Variants in MYH7B observed in about 807,000 individuals in gnomAD.
MYH7B encodes myosin-7B.
Under a neutral mutation model 234.5 loss-of-function variants are expected in MYH7B, and 205 were observed. The ratio of observed to expected loss-of-function variants is 0.87; its 90% CI spans 0.78 to 0.98. MYH7B has a LOEUF of 0.98. Among genes scored for constraint, MYH7B ranks in the 50% least tolerant of loss-of-function variants. MYH7B has a pLI of 0.00. For synonymous variants in MYH7B, 1,193 were observed against 1,105.0 expected (o/e 1.08, Z -1.58); for missense variants, 2,652 against 2,633.4 (o/e 1.01, Z -0.15).
At position 35,000,767 on chromosome 20, in the gene MYH7B, G is replaced by C. The variant is rs1465089882; in HGVS notation, c.5179-1G>C. On this transcript the variant is annotated splice_acceptor_variant, in intron 39 of 44. Transcript: ENST00000262873. LOFTEE classifies it high-confidence loss of function. ...GGCTCTGAGACTCCTCTTCCCCTCA[G>C]AACACAGGCCTCCTAAACCAGAAGA... 1.2e-6 allele frequency: 2 copies of C among 1,612,160 alleles called. No homozygotes were observed. The highest frequency in any genetic ancestry group is 1.1e-5 in the South Asian group (1 of 90,816).
rs376794242 is a variant in MYH7B at position 34,998,381 on chromosome 20, G to A, written c.3834G>A (p.Ala1278=). Residue 1278 remains alanine (A), a synonymous_variant, in exon 33 of 45, where the codon GCG becomes GCA. Transcript: ENST00000262873. The stretch of plus-strand genomic sequence containing the variant: ...TGGAGGAGCTGCAGCGGCAGCTGGC[G>A]GACGCAAGCACGCAGCGTGGGCGAC... The A allele has an allele frequency of 5.9e-5, 95 of 1,613,384 alleles. No homozygotes were observed. In the African/African-American group the frequency reaches 8.7e-4, roughly 15 times the overall value.
Position 34,999,923 on chromosome 20 carries a change from C to A in MYH7B, c.4781+17C>A. On this transcript the variant is annotated intron_variant, in intron 38 of 44. Transcript: ENST00000262873. ...TAACCTGAGGTGTGTCCATCCTTCT[C>A]CCGTCCCCACCTCCCGAGAGCAGAA... The A allele has an allele frequency of 6.2e-7, 1 of 1,602,222 alleles. No individual in the cohort carries two copies. Among genetic ancestry groups the A allele is most frequent in the Non-Finnish European group, 8.5e-7 (1 of 1,171,016 alleles).
At chr20:34,999,765 C>CCCCCCCCCCCCCCCCTTTT in intron 37 of MYH7B, 26 bp from the exon 38 acceptor site, 1 of 940,068 alleles carries the variant, frequency 1.1e-6, no homozygotes, top group South Asian at 1.3e-5. Context: ...CCCCCCCACC[C>CCCCCCCCCCCCCCCCTTTT]TACCCTGCCT....
chr20:34,961,735 G>A (rs1331540472), intron 2 of MYH7B, among the ~76,000 whole-genome samples: 5 of 152,196 alleles, frequency 3.3e-5, no homozygotes, highest in African/African-American at 1.2e-4. Context: ...CCTGTAGGTG[G>A]AATCCTACAA....
At chr20:34,988,447 C>T (rs186538943) in intron 19 of MYH7B, among the ~76,000 whole-genome samples, 185 bp downstream of exon 19, 7 of 152,166 alleles carry the variant, frequency 4.6e-5, no homozygotes, top group East Asian at 1.9e-4. Context: ...TGAAAGGGCA[C>T]GTGTGTGAGT....
intron 13 of MYH7B, among the ~76,000 whole-genome samples, 191 bp from the exon 14 acceptor site, chr20:34,985,909 A>T (rs1348831889): frequency 6.6e-6 from 1 of 152,164 alleles, no homozygotes; most frequent in Admixed American, 6.5e-5. Context: ...AGACACAGAC[A>T]CACAGGTACA....
exon 27 of MYH7B, chr20:34,994,341 G>A (rs199556326): frequency 2.5e-6 from 4 of 1,607,396 alleles, no homozygotes; most frequent in Admixed American, 1.7e-5. Context: ...GCCAGGAACT[G>A]GAGGAGACGC....
intron 2 of MYH7B, among the ~76,000 whole-genome samples, chr20:34,973,491 T>G (rs1292612345): frequency 6.6e-6 from 1 of 152,074 alleles, no homozygotes; most frequent in Non-Finnish European, 1.5e-5. Context: ...AATCCTGGAG[T>G]CTCGCTCTCC....
intron 2 of MYH7B, among the ~76,000 whole-genome samples, chr20:34,974,509 C>T (rs1297932889): frequency 1.3e-5 from 2 of 152,090 alleles, no homozygotes; most frequent in East Asian, 1.9e-4. Context: ...AGGGAACCTA[C>T]GAGGAAGATC....
chr20:34,985,975 C>A (rs544896648), intron 13 of MYH7B, 125 bp from the exon 14 acceptor site: 11 of 753,188 alleles, frequency 1.5e-5, no homozygotes, highest in African/African-American at 1.2e-4. Context: ...CCCACACAAG[C>A]TGGCAGGTGC....
chr20:35,001,469 C>T, exon 43 of MYH7B: 1 of 1,609,928 alleles, frequency 6.2e-7, no homozygotes, highest in Non-Finnish European at 8.5e-7. Context: ...GCATGCAGGA[C>T]CTGGTGGACA....
At chr20:34,993,049 G>T in intron 24 of MYH7B, 53 bp from the exon 25 acceptor site, 2 of 1,576,116 alleles carry the variant, frequency 1.3e-6, no homozygotes, top group Non-Finnish European at 1.7e-6. Context: ...ATTCTCAGTG[G>T]CCTGTGCCCC....
chr20:34,987,077 C>A (rs1291821506), intron 15 of MYH7B, 72 bp from the exon 16 acceptor site: 2 of 1,609,598 alleles, frequency 1.2e-6, no homozygotes, highest in African/African-American at 2.7e-5. Flanking sequence ...ATGAATGGTC[C>A]CGGGGCAGTG....
intron 6 of MYH7B, 59 bp from the exon 7 acceptor site, chr20:34,979,602 C>A: frequency 6.2e-7 from 1 of 1,609,052 alleles, no homozygotes; most frequent in South Asian, 1.1e-5. Flanking sequence ...GTGGGGGTGA[C>A]AGGTGAGGTC....
At chr20:34,987,904 A>C in exon 18 of MYH7B, 1 of 1,599,462 alleles carries the variant, frequency 6.3e-7, no homozygotes, top group Admixed American at 1.7e-5. Flanking sequence ...GCTGGGTTTG[A>C]GATCTTTGAG....
rs1040461197 is a variant in MYH7B at position 35,001,894 on chromosome 20, A to G, written c.5677-54A>G. 3.7e-5 allele frequency: 59 copies of G among 1,578,224 alleles called. No individual in the cohort carries two copies. The African/African-American group carries it at 7.7e-4, about 20-fold the overall frequency. On this transcript the variant is annotated intron_variant, in intron 43 of 44. Coordinates refer to ENST00000262873, the Ensembl canonical transcript of MYH7B. ...CCCTTCTTGGACTGGGGCAGGGACC[A>G]GAATAAGCATCTCAGTCACCCAAGC...
rs775928980 is a variant in MYH7B at position 34,993,425 on chromosome 20, G to A, written c.2399G>A (p.Arg800His). ...CTGACGCTGCTGCAGGCGCGGAGCCGTGGCCGCCTCATGCGCCTTGAGTAC... is the reference window on the plus strand; with the variant it reads ...CTGACGCTGCTGCAGGCGCGGAGCCATGGCCGCCTCATGCGCCTTGAGTAC... Residue 800 changes from arginine (R) to histidine (H), a missense_variant, in exon 26 of 45, where the codon CGT (arginine) becomes CAT (histidine). Around this residue, in one of 3 missense-constraint regions of MYH7B, gnomAD observed 2,279 missense variants for 2,211.4 expected, o/e 1.03. Transcript: ENST00000262873. The A allele has an allele frequency of 2.2e-5, 36 of 1,611,716 alleles. No individual in the cohort carries two copies. Among genetic ancestry groups the A allele is most frequent in the Middle Eastern group, 1.7e-4 (1 of 6,038 alleles).
exon 33 of MYH7B, chr20:34,998,399 T>G (rs969395460): frequency 2.5e-6 from 4 of 1,613,324 alleles, no homozygotes; most frequent in Non-Finnish European, 3.4e-6. Flanking sequence ...GCACGCAGCG[T>G]GGGCGACTAC....
At position 34,982,555 on chromosome 20, in the gene MYH7B, CG is replaced by C; in HGVS notation, c.624+1del. 6.3e-7 allele frequency: 1 copy of C among 1,595,726 alleles called. No individual in the cohort carries two copies. The highest frequency in any genetic ancestry group is 8.6e-7 in the Non-Finnish European group (1 of 1,168,514). ...TGGGAGACGGGCCGGGCAAGAAGGCCGTAAGACTTGCCCACTCGGGCATGCT... is the reference window on the plus strand; with the variant it reads ...TGGGAGACGGGCCGGGCAAGAAGGCCTAAGACTTGCCCACTCGGGCATGCT... On this transcript the variant is annotated splice_donor_variant, in intron 10 of 44. Coordinates refer to ENST00000262873, the Ensembl canonical transcript of MYH7B. LOFTEE classifies it high-confidence loss of function.
Sources: gnomAD v4.1 joint callset for allele counts (sites outside exome capture counted in the v4.1 genomes callset) on GRCh38, gnomAD v4.1.1 for gene constraint, gnomAD v4.1.1 regional missense constraint, MANE v1.5 for transcripts, NCBI Gene and HGNC (gene_info 2026-07-23, HGNC 2026-07-21) for gene names.